The following RABGAP1L variants were observed in gnomAD, a reference collection of about 807,000 sequenced individuals.
RABGAP1L encodes rab GTPase-activating protein 1-like.
Under a neutral mutation model 137.7 loss-of-function variants are expected in RABGAP1L, and 63 were observed. The ratio of observed to expected loss-of-function variants is 0.46; its 90% confidence interval spans 0.37 to 0.56. The LOEUF is 0.56. RABGAP1L is among the 20% of genes least tolerant of loss of function. The pLI is 0.00. For synonymous variants in RABGAP1L, 431 were observed against 433.7 expected, an observed-to-expected ratio of 0.99 and a Z score of 0.08; for missense variants, 1,095 against 1,244.0, an observed-to-expected ratio of 0.88 and a Z score of 1.80.
chr1:174,577,224 C>G, intron 13 of RABGAP1L, among the ~76,000 whole-genome samples: 1 of 79,120 alleles, frequency 1.3e-5, no homozygotes, highest in Admixed American at 1.1e-4. Flanking sequence ...CACACACACA[C>G]ACACACACAC....
At chr1:174,322,353 C>A (rs1680072894) in intron 11 of RABGAP1L, among the ~76,000 whole-genome samples, 1 of 152,100 alleles carries the variant, frequency 6.6e-6, no homozygotes, top group South Asian at 2.1e-4. Flanking sequence ...CTTGTCTGGG[C>A]AGTTCTGGCT....
chr1:174,370,090 G>C (rs1458134259), intron 11 of RABGAP1L, among the ~76,000 whole-genome samples: 1 of 152,152 alleles, frequency 6.6e-6, no homozygotes, highest in Non-Finnish European at 1.5e-5. Flanking sequence ...AGATCCCCGT[G>C]GGAGCCACTA....
At chr1:174,423,524 C>T (rs1335346713) in intron 13 of RABGAP1L, among the ~76,000 whole-genome samples, 7 of 151,984 alleles carry the variant, frequency 4.6e-5, no homozygotes, top group African/African-American at 1.7e-4. Context: ...TGCCGTATAC[C>T]TGCATTTTGA....
At chr1:174,283,496 G>GT (rs200433618) in intron 10 of RABGAP1L, among the ~76,000 whole-genome samples, 6,789 of 149,678 alleles carry the variant, frequency 0.045, 183 homozygotes, top group African/African-American at 0.077. Flanking sequence ...AAGAGTTGCT[G>GT]TTTTTTTTGT....
intron 11 of RABGAP1L, among the ~76,000 whole-genome samples, chr1:174,368,269 A>G (rs1389794095): frequency 6.6e-6 from 1 of 152,242 alleles, no homozygotes; most frequent in African/African-American, 2.4e-5. Flanking sequence ...TGGATTGCTG[A>G]TAGTTCAGTT....
chr1:174,240,607 C>A (rs950236637), intron 4 of RABGAP1L, among the ~76,000 whole-genome samples: 2 of 152,088 alleles, frequency 1.3e-5, no homozygotes, highest in South Asian at 4.2e-4. Context: ...TCCCAGACTC[C>A]TTTCAGCTTT....
chr1:174,869,098 A>G (rs1444489495), intron 19 of RABGAP1L, among the ~76,000 whole-genome samples: 1 of 152,094 alleles, frequency 6.6e-6, no homozygotes, highest in Non-Finnish European at 1.5e-5. Flanking sequence ...TTTTCATCAA[A>G]TAGTTTTGCC....
In RABGAP1L at chr1:174,838,318, C is replaced by CCCAGAGT. The variant is rs537068081; in HGVS notation, c.2340+26361_2340+26367dup. On this transcript the variant is annotated intron_variant, in intron 19 of 25. Coordinates refer to ENST00000681986, the MANE Select transcript of RABGAP1L (RefSeq NM_001366446.1). The stretch of plus-strand genomic sequence containing the variant: ...GGTGAAATCTAGGAGTTTCTGTATA[C>CCCAGAGT]CCAGAGTCCTTTCCTAAGGGGTCCT... 1.1e-4 allele frequency among the ~76,000 whole-genome samples: 17 copies of CCCAGAGT among 152,178 alleles called. No homozygotes were observed. The East Asian group carries it at 3.1e-3, about 28-fold the overall frequency.
intron 18 of RABGAP1L, among the ~76,000 whole-genome samples, chr1:174,801,308 T>C (rs746394269): frequency 5.3e-5 from 8 of 152,236 alleles, no homozygotes; most frequent in Non-Finnish European, 7.3e-5. Flanking sequence ...TTTAATACCA[T>C]TTTAGACTAT....
intron 4 of RABGAP1L, among the ~76,000 whole-genome samples, chr1:174,233,016 A>G (rs776106962): frequency 4.6e-5 from 7 of 152,204 alleles, no homozygotes; most frequent in Non-Finnish European, 1.0e-4. Context: ...GGGAGTTCCT[A>G]GATCAAAGCT....
chr1:174,611,795 G>A lies in RABGAP1L; in HGVS notation c.1711-25580G>A, dbSNP rs190262323. On this transcript the variant is annotated intron_variant, in intron 13 of 25. Transcript: ENST00000681986. ...ACGTCCCTTTTAAGTTGGATTCCCA[G>A]GTATTTTATTCTCCTTGAAGCAATT... 9.8e-3 allele frequency among the ~76,000 whole-genome samples: 1,494 copies of A among 152,244 alleles called. 17 individuals carry two copies. Among genetic ancestry groups the A allele is most frequent in the Non-Finnish European group, 0.015 (1,036 of 68,028 alleles).
chr1:174,588,296 C>G (rs1037973605), intron 13 of RABGAP1L, among the ~76,000 whole-genome samples: 1 of 151,776 alleles, frequency 6.6e-6, no homozygotes, highest in Non-Finnish European at 1.5e-5. Flanking sequence ...CCTGAGTAGC[C>G]AAGATTACAG....
At chr1:174,382,526 T>C (rs1686250176) in intron 12 of RABGAP1L, among the ~76,000 whole-genome samples, 1 of 53,506 alleles carries the variant, frequency 1.9e-5, no homozygotes, top group Non-Finnish European at 3.9e-5. Context: ...CCTTCTCGCT[T>C]CATTTCATTC....
intron 13 of RABGAP1L, among the ~76,000 whole-genome samples, chr1:174,618,896 A>C (rs56260545): frequency 1.3e-5 from 2 of 152,218 alleles, no homozygotes; most frequent in Admixed American, 1.3e-4. Flanking sequence ...CTTTGAAAAA[A>C]ATTTAGACGA....
intron 14 of RABGAP1L, among the ~76,000 whole-genome samples, chr1:174,657,725 C>T (rs761514983): frequency 1.9e-4 from 29 of 152,146 alleles, no homozygotes; most frequent in Non-Finnish European, 4.0e-4. Flanking sequence ...CCTTCAACAT[C>T]TTGATTTCCT....
intron 13 of RABGAP1L, among the ~76,000 whole-genome samples, chr1:174,400,780 T>C (rs1488371893): frequency 2.0e-5 from 3 of 152,066 alleles, no homozygotes; most frequent in African/African-American, 7.2e-5. Flanking sequence ...GTCATGTAGA[T>C]TGAGTCACCT....
At chr1:174,177,752 G>T (rs1362093125) in intron 1 of RABGAP1L, among the ~76,000 whole-genome samples, 2 of 152,152 alleles carry the variant, frequency 1.3e-5, no homozygotes, top group East Asian at 3.8e-4. Flanking sequence ...TTTCCCCATT[G>T]CTTGTTTTTG....
Position 174,448,811 on chromosome 1 carries a change from A to G in RABGAP1L, c.1710+54666A>G, listed in dbSNP as rs1359867167. On this transcript the variant is annotated intron_variant, in intron 13 of 25. Coordinates refer to ENST00000681986, the MANE Select transcript of RABGAP1L (RefSeq NM_001366446.1). This position sits in a 1 kb window ranked among gnomAD's most constrained non-coding sequence, Gnocchi z 4.2. ...CATTTTCAAAATTTGCCGTCAGCAC[A>G]CCAAAGAGATAAATGACCGAAGAGC... The G allele has an allele frequency of 6.2e-7, 1 of 1,614,124 alleles. No homozygotes were observed. Among genetic ancestry groups the G allele is most frequent in the East Asian group, 2.2e-5 (1 of 44,878 alleles).
intron 11 of RABGAP1L, among the ~76,000 whole-genome samples, chr1:174,324,833 T>A (rs1014695429): frequency 3.9e-5 from 6 of 152,164 alleles, no homozygotes; most frequent in African/African-American, 9.6e-5. Context: ...GGAGGTTTAA[T>A]AAGATAAAGA....
Sources: allele counts gnomAD v4.1 joint callset (sites outside exome capture counted in the v4.1 genomes callset), GRCh38; gene constraint gnomAD v4.1.1; non-coding constraint Gnocchi (gnomAD v3.1); transcripts MANE v1.5; gene names NCBI Gene and HGNC (gene_info 2026-07-23, HGNC 2026-07-21).